Variants in RIPOR3 observed in about 807,000 individuals in gnomAD.
RIPOR3 encodes family with sequence similarity 65 member C.
A neutral mutation model predicts 114.3 loss-of-function variants in RIPOR3; 95 were observed. The ratio of observed to expected loss-of-function variants is 0.83; its 90% confidence interval spans 0.70 to 0.99. The LOEUF is 0.99. Ranked by LOEUF, RIPOR3 falls within the 50% of genes least tolerant of loss-of-function variation. The probability of loss-of-function intolerance (pLI) is 0.00; values close to 1 mark genes in which losing one functional copy is unlikely to be tolerated. For missense variants in RIPOR3, 1,252 were observed against 1,266.9 expected, an observed-to-expected ratio of 0.99 and a Z score of 0.18; for synonymous variants, 575 against 543.8, an observed-to-expected ratio of 1.06 and a Z score of -0.80.
In RIPOR3 at chr20:50,591,835, G is replaced by A. The variant is rs564798988; in HGVS notation, c.2577+509C>T. On this transcript the variant is annotated intron_variant, in intron 19 of 21. Transcript: ENST00000327979. Reference sequence around the variant, plus strand: ...AGAAAGGCTGGGCGCAGTGGCTCACGCCTGTAATCCCAGCACTTTGGGAAG... The same window carrying A: ...AGAAAGGCTGGGCGCAGTGGCTCACACCTGTAATCCCAGCACTTTGGGAAG... 3.0e-3 allele frequency among the ~76,000 whole-genome samples: 452 copies of A among 152,340 alleles called. 1 individual carries two copies. Among genetic ancestry groups the A allele is most frequent in the Non-Finnish European group, 4.7e-3 (318 of 68,030 alleles).
chr20:50,680,088 G>C (rs904661126), intron 1 of RIPOR3, among the ~76,000 whole-genome samples: 2 of 152,214 alleles, frequency 1.3e-5, no homozygotes, highest in African/African-American at 4.8e-5. Flanking sequence ...CCTGGAACCC[G>C]GGAAGGAAGA....
rs756953027 is a variant in RIPOR3 at position 50,608,598 on chromosome 20, G to A, written c.810+15C>T. ...ACCCAGGCACCCCAGCCCTGCCCCC[G>A]GGCCCCATCCCCACCTTGATGTCCA... On this transcript the variant is annotated intron_variant, in intron 10 of 21. Coordinates refer to ENST00000327979, the MANE Select transcript of RIPOR3 (RefSeq NM_001290268.2). The A allele has an allele frequency of 5.6e-6, 9 of 1,613,722 alleles. No individual in the cohort carries two copies. Among genetic ancestry groups the A allele is most frequent in the East Asian group, 2.2e-5 (1 of 44,880 alleles).
chr20:50,635,062 T>G (rs1300376532), intron 1 of RIPOR3, among the ~76,000 whole-genome samples: 1 of 152,106 alleles, frequency 6.6e-6, no homozygotes, highest in Non-Finnish European at 1.5e-5. Flanking sequence ...AAAAGCCAGA[T>G]AGTAGATATT....
intron 1 of RIPOR3, among the ~76,000 whole-genome samples, chr20:50,680,901 G>A (rs950231401): frequency 2.6e-5 from 4 of 152,140 alleles, no homozygotes; most frequent in African/African-American, 4.8e-5. Context: ...AACATATTCC[G>A]GGGAAATTTC....
At chr20:50,618,609 C>T (rs1313332179) in intron 3 of RIPOR3, among the ~76,000 whole-genome samples, 1 of 152,208 alleles carries the variant, frequency 6.6e-6, no homozygotes, top group Non-Finnish European at 1.5e-5. Context: ...TGCCTGCTTA[C>T]CCTGGCCTGT....
intron 2 of RIPOR3, among the ~76,000 whole-genome samples, chr20:50,629,248 T>C (rs1374442659): frequency 6.6e-6 from 1 of 152,140 alleles, no homozygotes; most frequent in Non-Finnish European, 1.5e-5. Context: ...GGTGGGATTT[T>C]ATTGTTGACT....
chr20:50,656,169 G>A (rs1359692536), intron 1 of RIPOR3, among the ~76,000 whole-genome samples: 13 of 151,830 alleles, frequency 8.6e-5, no homozygotes, highest in East Asian at 3.9e-4. Context: ...CACCATGCCC[G>A]GCTAATTTTT....
chr20:50,671,412 G>A (rs1037364319), intron 1 of RIPOR3, among the ~76,000 whole-genome samples: 2 of 87,902 alleles, frequency 2.3e-5, no homozygotes, highest in Admixed American at 1.5e-4. Flanking sequence ...GAGCACGCGC[G>A]CGTGCACGCG....
chr20:50,652,764 G>A (rs186050634), intron 1 of RIPOR3, among the ~76,000 whole-genome samples: 12 of 152,242 alleles, frequency 7.9e-5, no homozygotes, highest in Admixed American at 2.0e-4. Flanking sequence ...ACACGAGGGC[G>A]GTCGTCATCC....
At chr20:50,613,035 G>T (rs1670939672) in intron 4 of RIPOR3, among the ~76,000 whole-genome samples, 1 of 152,228 alleles carries the variant, frequency 6.6e-6, no homozygotes, top group Admixed American at 6.5e-5. Flanking sequence ...TGAGGTTACG[G>T]AGAGCTATGA....
intron 19 of RIPOR3, among the ~76,000 whole-genome samples, chr20:50,592,010 G>C (rs1047313576): frequency 1.5e-4 from 23 of 152,172 alleles, no homozygotes; most frequent in Non-Finnish European, 3.2e-4. Context: ...CAGGAGAATT[G>C]CTTGAACCCA....
chr20:50,613,741 G>GGGAAAC (rs1425531568), intron 4 of RIPOR3, among the ~76,000 whole-genome samples: 3 of 152,190 alleles, frequency 2.0e-5, no homozygotes. Flanking sequence ...TGGAAAGAAT[G>GGGAAAC]GGAAACGAAG....
chr20:50,599,980 A>C (rs1397569332), intron 13 of RIPOR3, among the ~76,000 whole-genome samples: 1 of 151,780 alleles, frequency 6.6e-6, no homozygotes, highest in African/African-American at 2.4e-5. Flanking sequence ...GGCTCACTGT[A>C]ACCTCCGCCT....
rs376405542 is a variant in RIPOR3 at position 50,587,925 on chromosome 20, GGGGGCCTTCTCAACAGCA to G, written c.2662-51_2662-34del. The G allele has an allele frequency of 3.3e-4, 529 of 1,607,820 alleles. No homozygotes were observed. The African/African-American group carries it at 6.5e-3, about 20-fold the overall frequency. ...AGATTAGGAGAAAAAGAACCCTTTA[GGGGGCCTTCTCAACAGCA>G]GGTAGAGTCCACTTAGTGGCCCTGC... On this transcript the variant is annotated intron_variant, in intron 20 of 21. Coordinates refer to ENST00000327979, the MANE Select transcript of RIPOR3 (RefSeq NM_001290268.2).
chr20:50,625,989 C>T (rs2084604666), intron 2 of RIPOR3, among the ~76,000 whole-genome samples: 1 of 152,228 alleles, frequency 6.6e-6, no homozygotes, highest in Non-Finnish European at 1.5e-5. Flanking sequence ...GAGTAGGGGT[C>T]AAGGTGGTGA....
rs573236871 is a variant in RIPOR3 at position 50,604,042 on chromosome 20, T to C, written c.1086+603A>G. ...ACTAAAAATACGAAAATTAGCCAGA[T>C]GTGGTGGCGTGTGCCTGTAATCCCA... is the stretch of plus-strand genomic sequence containing the variant. On this transcript the variant is annotated intron_variant, in intron 12 of 21. Coordinates refer to ENST00000327979, the MANE Select transcript of RIPOR3 (RefSeq NM_001290268.2). 3.3e-5 allele frequency among the ~76,000 whole-genome samples: 5 copies of C among 151,866 alleles called. 1 individual carries two copies. The highest frequency in any genetic ancestry group is 1.2e-4 in the African/African-American group (5 of 41,446).
In RIPOR3 at chr20:50,594,580, C is replaced by G. The variant is rs756926679; in HGVS notation, c.2185G>C (p.Gly729Arg). ...LKKTFQHRVR[G>R]KYPGQLEIAC... ...ATTTCCAGCTGTCCTGGGTACTTCC[C>G]TCTGACTCTGTGCTGGAAGGTTTTC... The change falls in exon 17 of 22, where the codon GGG (glycine) becomes CGG (arginine). Residue 729 changes from glycine (G) to arginine (R), a missense_variant. Physicochemically the swap from Gly to Arg is moderately radical, Grantham distance 125 (BLOSUM62 -2). Transcript: ENST00000327979. 1.2e-6 allele frequency: 2 copies of G among 1,614,080 alleles called. No homozygotes were observed. The highest frequency in any genetic ancestry group is 1.7e-6 in the Non-Finnish European group (2 of 1,180,010).
intron 18 of RIPOR3, 111 bp from the exon 19 acceptor site, chr20:50,592,657 C>T (rs2083151486): frequency 3.0e-6 from 3 of 1,000,676 alleles, no homozygotes; most frequent in Non-Finnish European, 4.1e-6. Context: ...ATCCCAGACC[C>T]ACCGGGATGA....
Position 50,608,948 on chromosome 20 carries a change from C to T in RIPOR3, c.648G>A (p.Val216=), listed in dbSNP as rs1261750687. The T allele has an allele frequency of 1.3e-6, 2 of 1,582,130 alleles. No individual in the cohort carries two copies. The highest frequency in any genetic ancestry group is 1.7e-6 in the Non-Finnish European group (2 of 1,164,702). ...CTCCGGGACAGAGGCGTGCGTAGCC[C>T]ACCAAGCCTGGAACACAGACATGGC... ...GEFHIRMKGL[V]GYARLCPGDH... is the part of the protein sequence containing the mutation. The change falls in exon 9 of 22, where the codon GTG becomes GTA. Residue 216 remains valine (V), a synonymous_variant. Transcript: ENST00000327979.
Sources: allele counts gnomAD v4.1 joint callset (sites outside exome capture counted in the v4.1 genomes callset), GRCh38; gene constraint gnomAD v4.1.1; transcripts MANE v1.5; gene names NCBI Gene and HGNC (gene_info 2026-07-23, HGNC 2026-07-21).